Variants in H2AZ2 observed in about 807,000 individuals in gnomAD.
H2AZ2 encodes H2A.Z variant histone 2.
In H2AZ2, 5 loss-of-function variants were observed where a neutral mutation model predicts 15.5. That is an observed-to-expected ratio of 0.32 (90% confidence interval 0.17 to 0.68). The LOEUF (loss-of-function observed/expected upper bound fraction) is 0.68, where lower values mean the gene tolerates loss of function less well. Among genes scored for constraint, H2AZ2 ranks in the 30% least tolerant of loss-of-function variants. The pLI is 0.72. For missense variants in H2AZ2, 42 were observed against 162.5 expected, an observed-to-expected ratio of 0.26 and a Z score of 4.03; for synonymous variants, 44 against 57.4, an observed-to-expected ratio of 0.77 and a Z score of 1.05.
intron 1 of H2AZ2, among the ~76,000 whole-genome samples, chr7:44,845,433 C>A (rs546516979): frequency 1.3e-5 from 2 of 152,134 alleles, no homozygotes; most frequent in Non-Finnish European, 2.9e-5. Context: ...GTCAGCTCCA[C>A]TAACAAGACA....
At position 44,840,937 on chromosome 7, in the gene H2AZ2, C is replaced by T. The variant is rs761600116; in HGVS notation, c.157G>A (p.Val53Met). 1.2e-6 allele frequency: 2 copies of T among 1,614,056 alleles called. No individual in the cohort carries two copies. The highest frequency in any genetic ancestry group is 2.2e-5 in the East Asian group (1 of 44,886). The change falls in exon 3 of 5, where the codon GTG (valine) becomes ATG (methionine). Residue 53 changes from valine to methionine, a missense_variant. Transcript: ENST00000308153. ...SHGRVGATAA[V>M]YSAAILEYLT... The stretch of plus-strand genomic sequence containing the variant: ...TACTCCAGAATCGCAGCACTGTACA[C>T]GGCAGCAGTGGCACCCACCCTTCCA...
intron 3 of H2AZ2, 76 bp downstream of exon 3, chr7:44,840,823 A>T: frequency 1.1e-6 from 1 of 949,070 alleles, no homozygotes; most frequent in Admixed American, 2.5e-5. Context: ...TTTTTCAAAT[A>T]TATTCCATGG....
At chr7:44,835,955 CT>C (rs56386314) in intron 3 of H2AZ2, among the ~76,000 whole-genome samples, 1,951 of 90,666 alleles carry the variant, frequency 0.022, 41 homozygotes, top group Admixed American at 0.067. Flanking sequence ...TTAGAAAAGT[CT>C]TTTTTTTTTT....
chr7:44,844,562 C>G (rs1451695359), intron 1 of H2AZ2, among the ~76,000 whole-genome samples: 1 of 152,090 alleles, frequency 6.6e-6, no homozygotes, highest in East Asian at 1.9e-4. Context: ...GCATGTTGGC[C>G]AGGCTGGTCT....
intron 2 of H2AZ2, among the ~76,000 whole-genome samples, chr7:44,843,018 A>C (rs749920657): frequency 5.9e-4 from 90 of 151,928 alleles, no homozygotes; most frequent in South Asian, 1.5e-3. Context: ...GCACGCCTGC[A>C]GTCCCAGCTA....
downstream of H2AZ2, among the ~76,000 whole-genome samples, chr7:44,831,778 C>T (rs1050623939): frequency 1.3e-5 from 2 of 152,134 alleles, no homozygotes; most frequent in Admixed American, 1.3e-4. Flanking sequence ...GGGCAAATAT[C>T]ATTAATGATG....
chr7:44,835,947 A>T (rs908745922), intron 3 of H2AZ2, among the ~76,000 whole-genome samples: 85 of 141,070 alleles, frequency 6.0e-4, no homozygotes, highest in South Asian at 4.5e-4. Flanking sequence ...GTGAACATTT[A>T]GAAAAGTCTT....
downstream of H2AZ2, chr7:44,829,723 A>G (rs1792975141): frequency 6.4e-6 from 1 of 156,446 alleles, no homozygotes; most frequent in African/African-American, 2.4e-5. Flanking sequence ...CCCACTCAGG[A>G]CTCCCTATGA....
intron 4 of H2AZ2, chr7:44,835,061 G>A (rs1793087730): frequency 1.2e-5 from 2 of 164,878 alleles, no homozygotes; most frequent in Non-Finnish European, 2.6e-5. Context: ...TGAGATTACA[G>A]GTGTGAGCCA....
chr7:44,835,707 A>C (rs1793103104), intron 3 of H2AZ2, 49 bp from the exon 4 acceptor site: 1 of 1,503,090 alleles, frequency 6.7e-7, no homozygotes, highest in South Asian at 1.3e-5. Flanking sequence ...CTAGGATCCC[A>C]AATGAAGGAT....
rs1381286642 is a variant in H2AZ2 at position 44,839,010 on chromosome 7, AGTG to A, written c.195+1886_195+1888del. The stretch of plus-strand genomic sequence containing the variant: ...TTAAAGGAGGAATAGGGATGGGGAA[AGTG>A]GTGGTCTGTGACCCAAGAACTCTTG... On this transcript the variant is annotated intron_variant, in intron 3 of 4. Transcript: ENST00000308153. 2.0e-5 allele frequency among the ~76,000 whole-genome samples: 3 copies of A among 152,158 alleles called. No individual in the cohort carries two copies. In the East Asian group the frequency reaches 5.8e-4, roughly 29 times the overall value.
intron 1 of H2AZ2, among the ~76,000 whole-genome samples, chr7:44,846,062 C>CACACACACACAGAGAGAGAGAGAGAG (rs57468916): frequency 6.7e-5 from 5 of 75,152 alleles, no homozygotes; most frequent in Admixed American, 1.4e-4. Context: ...CACACACACA[C>CACACACACACAGAGAGAGAGAGAGAG]AGAGAGAGAC....
chr7:44,834,766 TGAGAA>T (rs1793076327), intron 4 of H2AZ2, among the ~76,000 whole-genome samples: 1 of 151,384 alleles, frequency 6.6e-6, no homozygotes, highest in Admixed American at 6.6e-5. Flanking sequence ...GTGCATTTTT[TGAGAA>T]GAGTAACCAT....
At chr7:44,837,124 A>T (rs968936651) in intron 3 of H2AZ2, among the ~76,000 whole-genome samples, 1 of 152,070 alleles carries the variant, frequency 6.6e-6, no homozygotes. Flanking sequence ...TAAAAAAATC[A>T]AACTCCTGAC....
intron 3 of H2AZ2, 142 bp downstream of exon 3, chr7:44,840,757 T>C (rs1300224020): frequency 3.4e-6 from 2 of 585,750 alleles, no homozygotes; most frequent in Non-Finnish European, 5.9e-6. Flanking sequence ...GAAACAAGAG[T>C]GAAACTCTGT....
At chr7:44,838,159 G>C (rs1793176574) in intron 3 of H2AZ2, among the ~76,000 whole-genome samples, 1 of 151,696 alleles carries the variant, frequency 6.6e-6, no homozygotes, top group African/African-American at 2.4e-5. Context: ...ATCTTTAGTA[G>C]AGATAGGGTT....
At chr7:44,843,379 G>C (rs772953444) in intron 1 of H2AZ2, 25 bp from the exon 2 acceptor site, 1 of 1,530,142 alleles carries the variant, frequency 6.5e-7, no homozygotes, top group South Asian at 1.2e-5. Context: ...AAATTTTTTT[G>C]AATGAAAAGA....
At chr7:44,835,692 A>G in intron 3 of H2AZ2, 34 bp from the exon 4 acceptor site, 1 of 1,541,798 alleles carries the variant, frequency 6.5e-7, no homozygotes, top group South Asian at 1.2e-5. Context: ...TATCAAATGA[A>G]GGACCTAGGA....
Position 44,832,183 on chromosome 7 carries a change from A to T in H2AZ2, c.*2318T>A, listed in dbSNP as rs1178819991. 6.6e-6 allele frequency among the ~76,000 whole-genome samples: 1 copy of T among 152,202 alleles called. No homozygotes were observed. Among genetic ancestry groups the T allele is most frequent in the Non-Finnish European group, 1.5e-5 (1 of 68,036 alleles). On this transcript the variant is annotated 3_prime_UTR_variant, in exon 5 of 5. Coordinates refer to ENST00000308153, the MANE Select transcript of H2AZ2 (RefSeq NM_012412.5). ...TAGATCTTGCCTGGATCTTGACTCG[A>T]ATAAACCAACTGTTAAAAAAAACTT...
Sources: allele counts gnomAD v4.1 joint callset (sites outside exome capture counted in the v4.1 genomes callset), GRCh38; gene constraint gnomAD v4.1.1; transcripts MANE v1.5; gene names NCBI Gene and HGNC (gene_info 2026-07-23, HGNC 2026-07-21).